Variants in BIRC7 observed in about 807,000 individuals in gnomAD.
The protein encoded by BIRC7 is baculoviral IAP repeat containing 7.
In BIRC7, 26 loss-of-function variants were observed where a neutral mutation model predicts 33.2. The observed-to-expected ratio is 0.78, with a 90% confidence interval of 0.57 to 1.09. The LOEUF (loss-of-function observed/expected upper bound fraction) is 1.09, where lower values mean the gene tolerates loss of function less well. Ranked by LOEUF, BIRC7 falls within the 50% of genes least tolerant of loss-of-function variation. The pLI is 0.00. For synonymous variants in BIRC7, 176 were observed against 171.0 expected, an observed-to-expected ratio of 1.03 and a Z score of -0.23; for missense variants, 409 against 401.2, an observed-to-expected ratio of 1.02 and a Z score of -0.17.
chr20:63,238,619 G>A lies in BIRC7; in HGVS notation c.577+5G>A, dbSNP rs1486731318. ...CAGCCCCTGTGGCCCCCTCCGGTGAGAGCTGACACCACCCCTGCTGACTCC... is the reference window on the plus strand; with the variant it reads ...CAGCCCCTGTGGCCCCCTCCGGTGAAAGCTGACACCACCCCTGCTGACTCC... On this transcript the variant is annotated splice_donor_5th_base_variant and intron_variant, in intron 4 of 6. Coordinates refer to ENST00000217169, the MANE Select transcript of BIRC7 (RefSeq NM_139317.3). The A allele has an allele frequency of 3.1e-6, 5 of 1,612,508 alleles. No homozygotes were observed. The highest frequency in any genetic ancestry group is 4.2e-6 in the Non-Finnish European group (5 of 1,179,952).
In BIRC7 at chr20:63,236,284, C is replaced by CAGAGGAGGA. The variant is rs2066687875; in HGVS notation, c.198_206dup (p.Glu67_Glu69dup). On this transcript the variant is annotated inframe_insertion, in exon 1 of 7. Transcript: ENST00000217169. ...ATCCTGGGCCAGCTGCGGCCCCTGA[C>CAGAGGAGGA]AGAGGAGGAAGAGGAGGAGGGCGCC... 1.2e-6 allele frequency: 2 copies of CAGAGGAGGA among 1,611,214 alleles called. No individual in the cohort carries two copies. Among genetic ancestry groups the CAGAGGAGGA allele is most frequent in the Admixed American group, 1.7e-5 (1 of 59,872 alleles).
Position 63,236,085 on chromosome 20 carries a change from A to C in BIRC7, c.-12A>C. ...TTCTGCTGCAAACCTGGTCAGAGCC[A>C]GTGTTCCCTCCATGGGACCTAAAGA... On this transcript the variant is annotated 5_prime_UTR_variant, in exon 1 of 7. Transcript: ENST00000217169. 1.3e-6 allele frequency: 2 copies of C among 1,522,556 alleles called. No homozygotes were observed. The highest frequency in any genetic ancestry group is 1.8e-6 in the Non-Finnish European group (2 of 1,124,958). The allele number at this position is 1,522,556 out of a possible 1,614,324, so 94.3% of individuals were successfully genotyped here.
intron 4 of BIRC7, 67 bp from the exon 5 acceptor site, chr20:63,239,095 C>T (rs1184266877): frequency 1.2e-5 from 18 of 1,521,814 alleles, no homozygotes; most frequent in Non-Finnish European, 1.5e-5. Flanking sequence ...GGCTGCAGAC[C>T]TGTATCTGGG....
At position 63,238,551 on chromosome 20, in the gene BIRC7, G is replaced by T; in HGVS notation, c.532-18G>T. On this transcript the variant is annotated intron_variant, in intron 3 of 6. Transcript: ENST00000217169. ...CCTCCTATTTCCCCAAGGCCTGATG[G>T]TCTCTGGCTCCTTCCAGGACCCGTG... 1.2e-6 allele frequency: 2 copies of T among 1,613,168 alleles called. No homozygotes were observed. The highest frequency in any genetic ancestry group is 1.7e-6 in the Non-Finnish European group (2 of 1,179,970).
chr20:63,237,936 A>T lies in BIRC7; in HGVS notation c.383A>T (p.Tyr128Phe), dbSNP rs1418571844. 1 of 1,608,092 alleles carries T rather than the reference A, an allele frequency of 6.2e-7. No individual in the cohort carries two copies. The highest frequency in any genetic ancestry group is 1.7e-5 in the Admixed American group (1 of 58,754). ...HQDKVRCFFC[Y>F]GGLQSWKRGD... ...GACAAGGTGAGGTGCTTCTTCTGCT[A>T]TGGGGGCCTGCAGAGCTGGAAGCGC... is the stretch of plus-strand genomic sequence containing the variant. The change falls in exon 2 of 7, where the codon TAT becomes TTT. Residue 128 changes from tyrosine (Y) to phenylalanine (F), a missense_variant. Coordinates refer to ENST00000217169, the MANE Select transcript of BIRC7 (RefSeq NM_139317.3).
rs760830194 is a variant in BIRC7 at position 63,236,389 on chromosome 20, C to T, written c.293C>T (p.Pro98Leu). Residue 98 changes from proline to leucine, a missense_variant, in exon 1 of 7, where the codon CCG becomes CTG. Transcript: ENST00000217169. Reference protein sequence around the residue: ...ELRLASFYDWPLTAEVPPELL... With the variant: ...ELRLASFYDWLLTAEVPPELL... Reference sequence around the variant, plus strand: ...CGTCTGGCCTCCTTCTATGACTGGCCGCTGACTGCTGAGGTGCCACCCGAG... The same window carrying T: ...CGTCTGGCCTCCTTCTATGACTGGCTGCTGACTGCTGAGGTGCCACCCGAG... The T allele has an allele frequency of 9.6e-6, 15 of 1,570,030 alleles. No individual in the cohort carries two copies. The highest frequency in any genetic ancestry group is 4.5e-5 in the East Asian group (2 of 44,300).
chr20:63,237,040 C>T (rs973503881), intron 1 of BIRC7, among the ~76,000 whole-genome samples: 9 of 152,246 alleles, frequency 5.9e-5, no homozygotes, highest in Admixed American at 5.9e-4. Context: ...AGTTCAGGTC[C>T]CAGCTCTGCC....
chr20:63,236,120 G>T lies in BIRC7; in HGVS notation c.24G>T (p.Lys8Asn), dbSNP rs1459965907. Residue 8 changes from lysine (K) to asparagine (N), a missense_variant, in exon 1 of 7, where the codon AAG becomes AAT. Lys to Asn is a moderately conservative substitution (Grantham distance 94, BLOSUM62 0). Transcript: ENST00000217169. ...CCATGGGACCTAAAGACAGTGCCAA[G>T]TGCCTGCACCGTGGACCACAGCCGA... is the stretch of plus-strand genomic sequence containing the variant. MGPKDSA[K>N]CLHRGPQPSH... The T allele has an allele frequency of 1.9e-6, 3 of 1,572,218 alleles. 1 individual carries two copies. In the South Asian group the frequency reaches 3.5e-5, roughly 18 times the overall value.
rs776902171 is a variant in BIRC7 at position 63,236,454 on chromosome 20, C to T, written c.349+9C>T. On this transcript the variant is annotated intron_variant, in intron 1 of 6. Transcript: ENST00000217169. ...CGGCTTCTTCCACACAGGTCAGTCC[C>T]GGGCGGGGGGGCCTTCCTGCCGTGG... 1.4e-5 allele frequency: 21 copies of T among 1,512,702 alleles called. No homozygotes were observed. The highest frequency in any genetic ancestry group is 2.5e-4 in the Middle Eastern group (1 of 4,028). 93.7% of individuals were successfully genotyped at this position (1,512,702 alleles called of 1,614,324 possible).
intron 4 of BIRC7, chr20:63,238,873 C>T (rs1476406220): frequency 4.8e-6 from 3 of 626,772 alleles, no homozygotes; most frequent in Admixed American, 5.9e-5. Context: ...TTGCCTGTCG[C>T]CATACCACCC....
chr20:63,237,927 T>G lies in BIRC7; in HGVS notation c.374T>G (p.Phe125Cys). 6.2e-7 allele frequency: 1 copy of G among 1,606,698 alleles called. No individual in the cohort carries two copies. Among genetic ancestry groups the G allele is most frequent in the South Asian group, 1.1e-5 (1 of 90,220 alleles). Residue 125 changes from phenylalanine (F) to cysteine (C), a missense_variant, in exon 2 of 7, where the codon TTC (phenylalanine) becomes TGC (cysteine). Physicochemically the swap from Phe to Cys is radical, Grantham distance 205. Transcript: ENST00000217169. ...GGCCATCAGGACAAGGTGAGGTGCT[T>G]CTTCTGCTATGGGGGCCTGCAGAGC... ...HTGHQDKVRC[F>C]FCYGGLQSWK...
At position 63,236,110 on chromosome 20, in the gene BIRC7, A is replaced by G. The variant is rs1156829669; in HGVS notation, c.14A>G (p.Asp5Gly). The G allele has an allele frequency of 8.3e-6, 13 of 1,558,322 alleles. No individual in the cohort carries two copies. The highest frequency in any genetic ancestry group is 1.4e-5 in the African/African-American group (1 of 73,592). ...AGTGTTCCCTCCATGGGACCTAAAG[A>G]CAGTGCCAAGTGCCTGCACCGTGGA... The part of the protein sequence containing the change: MGPK[D>G]SAKCLHRGPQ... The change falls in exon 1 of 7, where the codon GAC becomes GGC. Residue 5 changes from aspartate (D) to glycine (G), a missense_variant. Asp to Gly is a moderately conservative substitution (Grantham distance 94). Transcript: ENST00000217169.
At chr20:63,238,176 G>A in intron 2 of BIRC7, 174 bp downstream of exon 2, 1 of 842,110 alleles carries the variant, frequency 1.2e-6, no homozygotes, top group Non-Finnish European at 1.9e-6. Flanking sequence ...TCCTGTGAGG[G>A]CCCCTTTTCG....
At chr20:63,236,593 C>G in intron 1 of BIRC7, 148 bp downstream of exon 1, 2 of 1,288,264 alleles carry the variant, frequency 1.6e-6, no homozygotes, top group Non-Finnish European at 2.0e-6. Flanking sequence ...GCAAGCCCCT[C>G]CAGTGCCCAT....
intron 4 of BIRC7, chr20:63,238,894 C>G: frequency 1.6e-6 from 1 of 625,780 alleles, no homozygotes; most frequent in Non-Finnish European, 2.8e-6. Flanking sequence ...CCAACAGTGC[C>G]CAGCACACAG....
At position 63,240,441 on chromosome 20, in the gene BIRC7, C is replaced by T. The variant is rs893131259; in HGVS notation, c.*191C>T. 5 of 152,628 alleles carry T rather than the reference C, an allele frequency of 3.3e-5. No individual in the cohort carries two copies. Among genetic ancestry groups the T allele is most frequent in the Non-Finnish European group, 7.3e-5 (5 of 68,368 alleles). The allele number at this position is 152,628 out of a possible 1,614,324, so 9.5% of individuals were successfully genotyped here. A position where few individuals can be genotyped will look rare whatever the true frequency, so the allele number is the denominator to read the frequency against. Reference sequence around the variant, plus strand: ...TTGCTTGGCGTGGGGGATGGCTTAACTGTACCTGTTTGGATGCTTCTGAAT... The same window carrying T: ...TTGCTTGGCGTGGGGGATGGCTTAATTGTACCTGTTTGGATGCTTCTGAAT... On this transcript the variant is annotated 3_prime_UTR_variant, in exon 7 of 7. Transcript: ENST00000217169.
rs778215156 is a variant in BIRC7 at position 63,239,247 on chromosome 20, A to AC, written c.649+19dup. 5.8e-6 allele frequency: 9 copies of AC among 1,550,416 alleles called. No individual in the cohort carries two copies. Among genetic ancestry groups the AC allele is most frequent in the African/African-American group, 1.6e-5 (1 of 60,768 alleles). On this transcript the variant is annotated intron_variant, in intron 5 of 6. Coordinates refer to ENST00000217169, the MANE Select transcript of BIRC7 (RefSeq NM_139317.3). ...CCCAGGAGCCAGGTGCAGGCCCGGG[A>AC]CCCCCTGGGTGAGGGCTGGGGCAGG... is the stretch of plus-strand genomic sequence containing the variant.
chr20:63,237,479 A>G (rs2066697861), intron 1 of BIRC7, among the ~76,000 whole-genome samples: 1 of 152,130 alleles, frequency 6.6e-6, no homozygotes, highest in Non-Finnish European at 1.5e-5. Flanking sequence ...CCTAAAAGCA[A>G]GCCTGGCCCC....
rs1683634869 is a variant in BIRC7 at position 63,240,429 on chromosome 20, G to C, written c.*179G>C. On this transcript the variant is annotated 3_prime_UTR_variant, in exon 7 of 7. Coordinates refer to ENST00000217169, the MANE Select transcript of BIRC7 (RefSeq NM_139317.3). ...AGAAGGAGGCCCTTGCTTGGCGTGG[G>C]GGATGGCTTAACTGTACCTGTTTGG... 5 of 152,760 alleles carry C rather than the reference G, an allele frequency of 3.3e-5. No individual in the cohort carries two copies. The South Asian group carries it at 1.0e-3, about 32-fold the overall frequency. 9.5% of individuals were successfully genotyped at this position (152,760 alleles called of 1,614,324 possible).
Sources: allele counts gnomAD v4.1 joint callset (sites outside exome capture counted in the v4.1 genomes callset), GRCh38; gene constraint gnomAD v4.1.1; transcripts MANE v1.5; gene names NCBI Gene and HGNC (gene_info 2026-07-23, HGNC 2026-07-21).